IL15: variants seen among roughly 807,000 people sequenced by gnomAD.
IL15 encodes the protein interleukin 15, also known as interleukin-15.
A neutral mutation model predicts 19.6 loss-of-function variants in IL15; 11 were observed. The observed-to-expected ratio is 0.56, with a 90% CI of 0.35 to 0.93. The LOEUF is 0.93. Ranked by LOEUF, IL15 falls within the 40% of genes least tolerant of loss-of-function variation. IL15 has a pLI of 0.01. For synonymous variants in IL15, 58 were observed against 59.6 expected (o/e 0.97, Z 0.12); for missense variants, 197 against 186.5 (o/e 1.06, Z -0.33).
At chr4:141,652,724 T>C (rs1009199929) in intron 1 of IL15, among the ~76,000 whole-genome samples, 17 of 152,018 alleles carry the variant, frequency 1.1e-4, no homozygotes, top group Admixed American at 1.0e-3. Context: ...GGAGAAAGAG[T>C]ACTGGAGGAT....
chr4:141,661,405 G>C (rs1727782750), intron 2 of IL15, among the ~76,000 whole-genome samples: 1 of 152,156 alleles, frequency 6.6e-6, no homozygotes, highest in African/African-American at 2.4e-5. Context: ...TTTTAAAAAG[G>C]AGAGAAATGC....
chr4:141,697,135 G>T (rs1402682771), intron 2 of IL15, among the ~76,000 whole-genome samples: 1 of 151,930 alleles, frequency 6.6e-6, no homozygotes, highest in Non-Finnish European at 1.5e-5. Flanking sequence ...GAATTTGTAT[G>T]CTTTCAGCTC....
At chr4:141,723,195 T>C (rs2152190891) in intron 5 of IL15, among the ~76,000 whole-genome samples, 1 of 152,304 alleles carries the variant, frequency 6.6e-6, no homozygotes, top group South Asian at 2.1e-4. Context: ...TAGCATACTA[T>C]AATGGGTTGA....
At chr4:141,679,793 C>A (rs763961172) in intron 2 of IL15, among the ~76,000 whole-genome samples, 1 of 152,142 alleles carries the variant, frequency 6.6e-6, no homozygotes, top group East Asian at 1.9e-4. Flanking sequence ...TTGATGGATT[C>A]TCCCCAAAAT....
chr4:141,636,778 G>C (rs1726868444), intron 1 of IL15, 30 bp downstream of exon 1: 1 of 152,340 alleles, frequency 6.6e-6, no homozygotes, highest in East Asian at 1.9e-4. Flanking sequence ...TGCCTTGGGA[G>C]GGGAGTGGTG....
chr4:141,655,388 C>T (rs965188633), intron 1 of IL15, among the ~76,000 whole-genome samples: 2 of 149,572 alleles, frequency 1.3e-5, no homozygotes, highest in African/African-American at 2.5e-5. Flanking sequence ...AAAAAAAAAA[C>T]AATTCTAAGA....
chr4:141,687,579 T>C (rs1049940880), intron 2 of IL15, among the ~76,000 whole-genome samples: 9 of 152,194 alleles, frequency 5.9e-5, no homozygotes, highest in African/African-American at 1.9e-4. Flanking sequence ...ATTAATTCCA[T>C]GGTAAAGCTG....
chr4:141,692,116 A>G (rs11100724), intron 2 of IL15, among the ~76,000 whole-genome samples: 121,323 of 152,246 alleles, frequency 0.8, 48,932 homozygotes, highest in East Asian at 0.99. Flanking sequence ...AAGGCTTGGG[A>G]CTTGCACCCT....
chr4:141,730,619 C>T (rs1330526401), intron 7 of IL15, among the ~76,000 whole-genome samples: 3 of 152,028 alleles, frequency 2.0e-5, no homozygotes, highest in Non-Finnish European at 1.5e-5. Flanking sequence ...ATTAATGATT[C>T]GAGTATAATC....
At chr4:141,679,443 A>T (rs1275572970) in intron 2 of IL15, among the ~76,000 whole-genome samples, 1 of 152,226 alleles carries the variant, frequency 6.6e-6, no homozygotes, top group African/African-American at 2.4e-5. Flanking sequence ...TGTCATACTT[A>T]ATCAAGTTAT....
intron 2 of IL15, among the ~76,000 whole-genome samples, chr4:141,670,639 T>C (rs1473925138): frequency 2.0e-5 from 3 of 152,214 alleles, no homozygotes; most frequent in Non-Finnish European, 4.4e-5. Flanking sequence ...TCAATATTTT[T>C]ACTAGTACAA....
At chr4:141,703,958 G>T (rs954289938) in intron 2 of IL15, among the ~76,000 whole-genome samples, 1 of 152,002 alleles carries the variant, frequency 6.6e-6, no homozygotes, top group Non-Finnish European at 1.5e-5. Context: ...AAAGTTTTTT[G>T]ATGAATTCTT....
In IL15 at chr4:141,686,297, A is replaced by AAAATAAATAAAT. The variant is rs56718878; in HGVS notation, c.-100+30022_-100+30033dup. On this transcript the variant is annotated intron_variant, in intron 2 of 7. Transcript: ENST00000320650. Reference sequence around the variant, plus strand: ...GCAACAAGAGCAAGAGTTCATCTCAAAAATAAATAAATAAATAAATAAATA... The same window carrying AAAATAAATAAAT: ...GCAACAAGAGCAAGAGTTCATCTCAAAAATAAATAAATAAATAAATAAATAAATAAATAAATA... Among the ~76,000 whole-genome samples the AAAATAAATAAAT allele has an allele frequency of 3.7e-3, 525 of 141,144 alleles. 1 individual carries two copies. Among genetic ancestry groups the AAAATAAATAAAT allele is most frequent in the East Asian group, 4.3e-3 (21 of 4,838 alleles). The allele number at this position is 141,144 out of a possible 152,430, so 92.6% of individuals were successfully genotyped here. A position where few individuals can be genotyped will look rare whatever the true frequency, so the allele number is the denominator to read the frequency against.
intron 2 of IL15, chr4:141,715,563 A>G (rs1216525970): frequency 6.6e-6 from 1 of 152,210 alleles, no homozygotes; most frequent in East Asian, 1.9e-4. Flanking sequence ...TTCTGAAATC[A>G]AGATTGTGTT....
chr4:141,670,472 C>T (rs1728134436), intron 2 of IL15, among the ~76,000 whole-genome samples: 1 of 152,150 alleles, frequency 6.6e-6, no homozygotes, highest in African/African-American at 2.4e-5. Flanking sequence ...ATGGCACAAA[C>T]TGAAGAAGTC....
rs1049432663 is a variant in IL15, at chr4:141,679,466, C to G, written c.-100+23159C>G. On this transcript the variant is annotated intron_variant, in intron 2 of 7. Transcript: ENST00000320650. ...TTAATCAAGTTATAAGATTATTTTC[C>G]TTCTTTACACAATAAAATTATTTCT... is the stretch of plus-strand genomic sequence containing the variant. Among the ~76,000 whole-genome samples the G allele has an allele frequency of 2.6e-5, 4 of 152,074 alleles. No homozygotes were observed. In the East Asian group the frequency reaches 7.7e-4, roughly 29 times the overall value.
At chr4:141,645,758 T>G (rs888829346) in intron 1 of IL15, among the ~76,000 whole-genome samples, 6 of 152,086 alleles carry the variant, frequency 3.9e-5, no homozygotes, top group Admixed American at 3.3e-4. Flanking sequence ...ATGGTATGAC[T>G]CAATGGTCAA....
At chr4:141,649,968 G>A (rs1727350657) in intron 1 of IL15, among the ~76,000 whole-genome samples, 1 of 152,082 alleles carries the variant, frequency 6.6e-6, no homozygotes, top group Non-Finnish European at 1.5e-5. Context: ...TACATTTTGG[G>A]AGACGATGAG....
intron 2 of IL15, among the ~76,000 whole-genome samples, chr4:141,697,279 A>G (rs558308205): frequency 2.0e-5 from 3 of 151,936 alleles, no homozygotes; most frequent in South Asian, 2.1e-4. Flanking sequence ...TCTTTCCCCA[A>G]TTTATGTTTT....
Sources: allele counts gnomAD v4.1 joint callset (sites outside exome capture counted in the v4.1 genomes callset), GRCh38; gene constraint gnomAD v4.1.1; transcripts MANE v1.5; gene names NCBI Gene and HGNC (gene_info 2026-07-23, HGNC 2026-07-21).